The following COL27A1 variants were observed in gnomAD, a reference collection of about 807,000 sequenced individuals.
COL27A1 encodes collagen type XXVII alpha 1 chain.
Under a neutral mutation model 251.3 loss-of-function variants are expected in COL27A1, and 106 were observed. That is an observed-to-expected ratio of 0.42 (90% CI 0.36 to 0.50). COL27A1 has a LOEUF of 0.50. COL27A1 is among the 20% of genes least tolerant of loss of function. The pLI, the probability that COL27A1 is intolerant of heterozygous loss-of-function variation, is 0.00. For missense variants in COL27A1, 2,325 were observed against 2,522.8 expected (o/e 0.92, Z 1.68); for synonymous variants, 1,000 against 986.3 (o/e 1.01, Z -0.26).
intron 1 of COL27A1, among the ~76,000 whole-genome samples, chr9:114,161,930 A>G (rs947956151): frequency 1.3e-5 from 2 of 152,224 alleles, no homozygotes; most frequent in Non-Finnish European, 2.9e-5. Flanking sequence ...CTTGCCATGC[A>G]TGAGCTTATT....
At chr9:114,216,032 G>A (rs1221556991) in intron 12 of COL27A1, among the ~76,000 whole-genome samples, 11 of 152,210 alleles carry the variant, frequency 7.2e-5, no homozygotes, top group African/African-American at 2.7e-4. Context: ...GAAGAGTGGA[G>A]GAGATGGCCT....
intron 1 of COL27A1, among the ~76,000 whole-genome samples, chr9:114,161,754 G>C (rs1351752570): frequency 6.6e-6 from 1 of 152,196 alleles, no homozygotes; most frequent in Non-Finnish European, 1.5e-5. Context: ...AGGTGGCTTC[G>C]GGTGTCACTG....
At chr9:114,276,830 C>T (rs1002845417) in intron 37 of COL27A1, among the ~76,000 whole-genome samples, 7 of 152,194 alleles carry the variant, frequency 4.6e-5, no homozygotes, top group African/African-American at 1.4e-4. Flanking sequence ...ACATAGAAGC[C>T]AGTAGGGAAG....
chr9:114,286,071 C>T (rs968807169), intron 41 of COL27A1, among the ~76,000 whole-genome samples: 2 of 152,186 alleles, frequency 1.3e-5, no homozygotes, highest in Non-Finnish European at 2.9e-5. Context: ...GTTCATTCCT[C>T]CAGCTCTCCA....
chr9:114,202,733 A>G (rs929093518), intron 7 of COL27A1, among the ~76,000 whole-genome samples: 1 of 151,800 alleles, frequency 6.6e-6, no homozygotes, highest in Non-Finnish European at 1.5e-5. Flanking sequence ...GGGCCTTTGC[A>G]CTTGCTGTTC....
chr9:114,300,779 C>T lies in COL27A1; in HGVS notation c.4701+92C>T, dbSNP rs548697224. 1.8e-4 allele frequency: 200 copies of T among 1,096,208 alleles called. 1 individual carries two copies. The highest frequency in any genetic ancestry group is 1.2e-3 in the South Asian group (73 of 58,874). The allele number at this position is 1,096,208 out of a possible 1,614,324, so 67.9% of individuals were successfully genotyped here. On this transcript the variant is annotated intron_variant, in intron 51 of 60. Transcript: ENST00000356083. ...CTGGCCTGTCTTCATCCTCCTCTTG[C>T]TCCTTGACTCATGAGCCCTTTCTGC...
intron 27 of COL27A1, among the ~76,000 whole-genome samples, chr9:114,253,371 A>T (rs1200451440): frequency 8.9e-6 from 1 of 112,208 alleles, no homozygotes; most frequent in African/African-American, 4.2e-5. Context: ...AGAAAGAAAG[A>T]CGAAAGAAAG....
At chr9:114,246,225 C>T in intron 24 of COL27A1, 1 of 285,164 alleles carries the variant, frequency 3.5e-6, no homozygotes, top group Non-Finnish European at 6.4e-6. Context: ...TGGAGGAGCC[C>T]TTGGCAGTCG....
At chr9:114,244,489 T>C (rs1832977519) in intron 23 of COL27A1, among the ~76,000 whole-genome samples, 1 of 152,130 alleles carries the variant, frequency 6.6e-6, no homozygotes, top group African/African-American at 2.4e-5. Flanking sequence ...CTCCCTTAAG[T>C]TGGAGTTTTC....
rs767865099 is a variant in COL27A1, at chr9:114,237,042, C to T, written c.2673+8C>T. 4.4e-6 allele frequency: 7 copies of T among 1,596,846 alleles called. No individual in the cohort carries two copies. In the South Asian group the frequency reaches 5.6e-5, roughly 13 times the overall value. On this transcript the variant is annotated splice_region_variant and intron_variant, in intron 18 of 60. Coordinates refer to ENST00000356083, the MANE Select transcript of COL27A1 (RefSeq NM_032888.4). ...GGGAAGCCAGGGCCTCTGGTAAGTA[C>T]CTGCTCCTCCAGCACCCCCAAACCT... is the stretch of plus-strand genomic sequence containing the variant.
chr9:114,234,932 A>C (rs1832254518), intron 16 of COL27A1, among the ~76,000 whole-genome samples: 1 of 150,254 alleles, frequency 6.7e-6, no homozygotes, highest in Non-Finnish European at 1.5e-5. Context: ...AAAAAAAATT[A>C]GCTGGGCGTG....
intron 60 of COL27A1, 123 bp from the exon 61 acceptor site, chr9:114,310,426 A>G: frequency 9.6e-7 from 1 of 1,041,544 alleles, no homozygotes; most frequent in Admixed American, 1.9e-5. Flanking sequence ...CATATAGGTC[A>G]TTGCTACAAT....
intron 5 of COL27A1, among the ~76,000 whole-genome samples, chr9:114,189,535 A>T (rs566723897): frequency 7.2e-5 from 11 of 152,132 alleles, no homozygotes; most frequent in Non-Finnish European, 1.6e-4. Context: ...AACGCTTGGG[A>T]TTTTTACTGG....
At position 114,311,584 on chromosome 9, in the gene COL27A1, CA is replaced by C. The variant is rs1829455231; in HGVS notation, c.*894del. ...AAAAAAAGCAAAACAAAAACAAAAA[CA>C]AAAACCCTACCAGAAACCAGAAGTA... On this transcript the variant is annotated 3_prime_UTR_variant, in exon 61 of 61. Transcript: ENST00000356083. The C allele has an allele frequency of 8.2e-6, 1 of 121,770 alleles. No homozygotes were observed. Among genetic ancestry groups the C allele is most frequent in the Non-Finnish European group, 1.8e-5 (1 of 55,922 alleles). 7.5% of individuals were successfully genotyped at this position (121,770 alleles called of 1,614,324 possible).
intron 10 of COL27A1, among the ~76,000 whole-genome samples, chr9:114,208,071 T>A (rs140603268): frequency 1.2e-3 from 180 of 152,232 alleles, no homozygotes; most frequent in African/African-American, 4.0e-3. Flanking sequence ...ACATTTCAGC[T>A]GTTTGGTCCT....
chr9:114,246,005 G>C, intron 24 of COL27A1, 95 bp downstream of exon 24: 2 of 1,088,574 alleles, frequency 1.8e-6, no homozygotes, highest in Non-Finnish European at 2.7e-6. Flanking sequence ...GCACCACCTC[G>C]TGTAATTCTC....
rs2131618553 is a variant in COL27A1, at chr9:114,288,975, G to A, written c.4152+8G>A. 1 of 1,613,638 alleles carries A rather than the reference G, an allele frequency of 6.2e-7. No individual in the cohort carries two copies. The highest frequency in any genetic ancestry group is 8.5e-7 in the Non-Finnish European group (1 of 1,179,982). On this transcript the variant is annotated splice_region_variant and intron_variant, in intron 44 of 60. Coordinates refer to ENST00000356083, the MANE Select transcript of COL27A1 (RefSeq NM_032888.4). ...GGCCAGCAGGGCCAACCCGTGAGTG[G>A]TGCTTCGTGTCCCATCCCTGCCTCC...
intron 48 of COL27A1, 96 bp downstream of exon 48, chr9:114,291,013 G>A (rs566560583): frequency 3.5e-6 from 3 of 849,094 alleles, no homozygotes; most frequent in Non-Finnish European, 5.4e-6. Flanking sequence ...ATGTCCCAGG[G>A]CCTGTGTGAA....
intron 24 of COL27A1, among the ~76,000 whole-genome samples, chr9:114,247,003 A>G (rs1022008220): frequency 6.6e-6 from 1 of 152,154 alleles, no homozygotes; most frequent in Non-Finnish European, 1.5e-5. Context: ...TGTATCTAAG[A>G]GCCCTAACCA....
Sources: gnomAD v4.1 joint callset for allele counts (sites outside exome capture counted in the v4.1 genomes callset) on GRCh38, gnomAD v4.1.1 for gene constraint, MANE v1.5 for transcripts, NCBI Gene and HGNC (gene_info 2026-07-23, HGNC 2026-07-21) for gene names.